The following NAALADL1 variants were observed in gnomAD, a reference collection of about 807,000 sequenced individuals.
NAALADL1 encodes the protein aminopeptidase NAALADL1.
In NAALADL1, 77 loss-of-function variants were observed where a neutral mutation model predicts 82.8. The ratio of observed to expected loss-of-function variants is 0.93; its 90% confidence interval spans 0.77 to 1.12. The LOEUF (loss-of-function observed/expected upper bound fraction) is 1.12, where lower values mean the gene tolerates loss of function less well. Among genes scored for constraint, NAALADL1 ranks in the 50% most tolerant of loss-of-function variants. NAALADL1 has a pLI of 0.00. For missense variants in NAALADL1, 956 were observed against 964.0 expected (o/e 0.99, Z 0.11); for synonymous variants, 358 against 399.2 (o/e 0.90, Z 1.23).
intron 13 of NAALADL1, 46 bp downstream of exon 13, chr11:65,047,429 G>A (rs1345181437): frequency 1.3e-6 from 2 of 1,482,176 alleles, no homozygotes; most frequent in South Asian, 1.2e-5. Flanking sequence ...AGGAGGGGGC[G>A]CATGCAGCAA....
At position 65,053,209 on chromosome 11, in the gene NAALADL1, C is replaced by A; in HGVS notation, c.1198+9G>T. On this transcript the variant is annotated intron_variant, in intron 8 of 17. Transcript: ENST00000358658. This position sits in a 1 kb window ranked among gnomAD's most constrained non-coding sequence, Gnocchi z 4.3. Reference sequence around the variant, plus strand: ...AAGGTCCCTGGTCCAGGGGAGGGGGCCGCCTCACCCTTCTTCAGCAGGGTC... The same window carrying A: ...AAGGTCCCTGGTCCAGGGGAGGGGGACGCCTCACCCTTCTTCAGCAGGGTC... 1 of 1,531,232 alleles carries A rather than the reference C, an allele frequency of 6.5e-7. No individual in the cohort carries two copies. The highest frequency in any genetic ancestry group is 8.8e-7 in the Non-Finnish European group (1 of 1,137,218). 94.9% of individuals were successfully genotyped at this position (1,531,232 alleles called of 1,614,324 possible).
chr11:65,047,595 A>G, intron 12 of NAALADL1, 30 bp from the exon 13 acceptor site: 1 of 1,576,740 alleles, frequency 6.3e-7, no homozygotes, highest in Non-Finnish European at 8.6e-7. Flanking sequence ...CGGGATAAAG[A>G]GCGCTGGGCC....
intron 8 of NAALADL1, among the ~76,000 whole-genome samples, chr11:65,050,555 C>T (rs1434573449): frequency 6.6e-6 from 1 of 151,458 alleles, no homozygotes; most frequent in Non-Finnish European, 1.5e-5. Flanking sequence ...TTTGGAAGGC[C>T]AGAGCGGGTG....
At chr11:65,051,250 TCA>T (rs1184544403) in intron 8 of NAALADL1, among the ~76,000 whole-genome samples, 2 of 149,916 alleles carry the variant, frequency 1.3e-5, no homozygotes, top group Non-Finnish European at 3.0e-5. Flanking sequence ...ACCTGTGGTT[TCA>T]CAGACTGTTT....
rs146866041 is a variant in NAALADL1, at chr11:65,046,247, G to A, written c.1797C>T (p.Phe599=). 4 of 1,614,048 alleles carry A rather than the reference G, an allele frequency of 2.5e-6. No individual in the cohort carries two copies. In the African/African-American group the frequency reaches 4.0e-5, roughly 16 times the overall value. Residue 599 remains phenylalanine (F), a synonymous_variant, in exon 15 of 18, where the codon TTC becomes TTT. Coordinates refer to ENST00000358658, the MANE Select transcript of NAALADL1 (RefSeq NM_005468.3). ...CAAGATCTTGCTGGGCTGCCTGCAG[G>A]AAGCTGCGGAGTGTCTCACTGTAGT... is the stretch of plus-strand genomic sequence containing the variant. ...VSDYSETLRS[F]LQAAQQDLGA...
chr11:65,045,617 C>CG (rs1946702392), intron 17 of NAALADL1, 160 bp from the exon 18 acceptor site: 3 of 928,792 alleles, frequency 3.2e-6, no homozygotes, highest in Non-Finnish European at 4.8e-6. Context: ...CAGTGGCGGT[C>CG]GGGGGAGGAA....
chr11:65,051,272 C>G (rs1234439897), intron 8 of NAALADL1, among the ~76,000 whole-genome samples: 1 of 149,332 alleles, frequency 6.7e-6, no homozygotes, highest in Non-Finnish European at 1.5e-5. Context: ...TTGCTACCAA[C>G]TCCCCAAGTC....
intron 8 of NAALADL1, among the ~76,000 whole-genome samples, chr11:65,048,933 C>T (rs1272189229): frequency 6.6e-6 from 1 of 152,158 alleles, no homozygotes; most frequent in East Asian, 1.9e-4. Flanking sequence ...GAGGTGGAAG[C>T]CAGGTTGCAG....
intron 4 of NAALADL1, among the ~76,000 whole-genome samples, chr11:65,055,282 C>G (rs1947007834): frequency 6.6e-6 from 1 of 152,112 alleles, no homozygotes; most frequent in Non-Finnish European, 1.5e-5. Context: ...ACTAAAAATA[C>G]AGAAATTAGC....
At chr11:65,057,538 T>G in intron 3 of NAALADL1, 45 bp from the exon 4 acceptor site, 1 of 1,581,428 alleles carries the variant, frequency 6.3e-7, no homozygotes, top group Non-Finnish European at 8.6e-7. Context: ...CCCAGCGAAG[T>G]GTGGGTGGGG....
intron 4 of NAALADL1, among the ~76,000 whole-genome samples, chr11:65,055,518 T>C (rs903609666): frequency 6.6e-6 from 1 of 152,120 alleles, no homozygotes; most frequent in Non-Finnish European, 1.5e-5. Flanking sequence ...GATACATCAA[T>C]GAGCCTTGAA....
rs1773084311 is a variant in NAALADL1 at position 65,058,291 on chromosome 11, G to A, written c.186-41C>T. On this transcript the variant is annotated intron_variant, in intron 1 of 17. Coordinates refer to ENST00000358658, the MANE Select transcript of NAALADL1 (RefSeq NM_005468.3). ...AGGGAGGGGCAGGGCCAGCATCAGGGAGGGGGCCTCTGGCAAACGGAGGAG... is the reference window on the plus strand; with the variant it reads ...AGGGAGGGGCAGGGCCAGCATCAGGAAGGGGGCCTCTGGCAAACGGAGGAG... 3.1e-6 allele frequency: 5 copies of A among 1,613,934 alleles called. No homozygotes were observed. In the African/African-American group the frequency reaches 5.3e-5, roughly 17 times the overall value.
In NAALADL1 at chr11:65,053,280, G is replaced by A. The variant is rs541489372; in HGVS notation, c.1136C>T (p.Pro379Leu). ...RDSWVHGAVD[P>L]SSGTAVLLEL... ...CAGGAGGACGGCGGTGCCACTGCTG[G>A]GGTCCACAGCCCCGTGCACCCAGCT... The change falls in exon 8 of 18, where the codon CCC becomes CTC. Residue 379 changes from proline to leucine, a missense_variant. Physicochemically the swap from Pro to Leu is moderately conservative, Grantham distance 98. Transcript: ENST00000358658. This position sits in a 1 kb window ranked among gnomAD's most constrained non-coding sequence, Gnocchi z 4.3. The A allele has an allele frequency of 1.9e-6, 3 of 1,557,008 alleles. No homozygotes were observed. The Admixed American group carries it at 5.9e-5, about 30-fold the overall frequency.
upstream of NAALADL1, chr11:65,058,593 G>A (rs1202774290): frequency 5.1e-6 from 7 of 1,380,524 alleles, no homozygotes; most frequent in Non-Finnish European, 6.8e-6. Flanking sequence ...TGTTGTGCCT[G>A]GTTAAACATT....
chr11:65,051,315 C>CTTTTTTTTTTTTTTTTTTT, intron 8 of NAALADL1, among the ~76,000 whole-genome samples: 1 of 59,570 alleles, frequency 1.7e-5, no homozygotes, highest in African/African-American at 6.4e-5. Flanking sequence ...TTCTTTCTTT[C>CTTTTTTTTTTTTTTTTTTT]TTTTTTTTTT....
At chr11:65,050,513 G>A (rs1011363407) in intron 8 of NAALADL1, among the ~76,000 whole-genome samples, 1 of 151,030 alleles carries the variant, frequency 6.6e-6, no homozygotes, top group Non-Finnish European at 1.5e-5. Flanking sequence ...AAATTGGCTG[G>A]GCACATTGGC....
At chr11:65,047,842 G>A in intron 11 of NAALADL1, 104 bp from the exon 12 acceptor site, 1 of 1,471,964 alleles carries the variant, frequency 6.8e-7, no homozygotes, top group Non-Finnish European at 9.2e-7. Context: ...CAGTCCTTAC[G>A]AGGCTTGCCC....
Position 65,058,461 on chromosome 11 carries a change from TCCCCAGCCCCAAGAGGGCAGCAGC to T in NAALADL1, c.37_60del (p.Ala13_Gly20del), listed in dbSNP as rs780117372. 147 of 1,613,564 alleles carry T rather than the reference TCCCCAGCCCCAAGAGGGCAGCAGC, an allele frequency of 9.1e-5. 1 individual carries two copies. The African/African-American group carries it at 1.8e-3, about 19-fold the overall frequency. ...GGGATGGCAAAGTGGCCGAGGATGA[TCCCCAGCCCCAAGAGGGCAGCAGC>T]CCCCAGCCCCAGCCCCAACACCTTC... On this transcript the variant is annotated inframe_deletion, in exon 1 of 18. Coordinates refer to ENST00000358658, the MANE Select transcript of NAALADL1 (RefSeq NM_005468.3).
At chr11:65,058,584 G>A (rs1947116301), upstream of NAALADL1, 2 of 1,418,028 alleles carry the variant, frequency 1.4e-6, no homozygotes, top group African/African-American at 1.4e-5. Flanking sequence ...TAGAGGGGGT[G>A]TTGTGCCTGG....
Sources: gnomAD v4.1 joint callset for allele counts (sites outside exome capture counted in the v4.1 genomes callset) on GRCh38, gnomAD v4.1.1 for gene constraint, Gnocchi (gnomAD v3.1) non-coding constraint, MANE v1.5 for transcripts, NCBI Gene and HGNC (gene_info 2026-07-23, HGNC 2026-07-21) for gene names.